Variants in MPDZ observed in about 807,000 individuals in gnomAD.
MPDZ encodes multiple PDZ domain crumbs cell polarity complex component.
MPDZ carries 234 observed loss-of-function variants against 239.1 expected under a neutral mutation model. That is an observed-to-expected ratio of 0.98 (90% CI 0.88 to 1.09). The LOEUF (loss-of-function observed/expected upper bound fraction) is 1.09, where lower values mean the gene tolerates loss of function less well. MPDZ is among the 50% of genes least tolerant of loss of function. The pLI is 0.00. For missense variants in MPDZ, 3,175 were observed against 2,510.0 expected (o/e 1.26, Z -5.66); for synonymous variants, 1,048 against 881.3 (o/e 1.19, Z -3.35).
chr9:13,218,802 C>G lies in MPDZ; in HGVS notation c.1086+757G>C, dbSNP rs1453693287. Among the ~76,000 whole-genome samples the G allele has an allele frequency of 5.3e-5, 8 of 151,992 alleles. No homozygotes were observed. The East Asian group carries it at 1.4e-3, about 26-fold the overall frequency. ...TAATTCTTAAATATTTAAGAGACTT[C>G]TGGATAAATTATTTTGTTGATATTT... On this transcript the variant is annotated intron_variant, in intron 8 of 46. Transcript: ENST00000319217.
At chr9:13,160,860 A>ATATATATATATG (rs1379321513) in intron 23 of MPDZ, among the ~76,000 whole-genome samples, 1 of 123,942 alleles carries the variant, frequency 8.1e-6, no homozygotes, top group African/African-American at 3.0e-5. Flanking sequence ...ATATATATAT[A>ATATATATATATG]TATATATATA....
At position 13,219,604 on chromosome 9, in the gene MPDZ, C is replaced by G. The variant is rs34911705; in HGVS notation, c.1041G>C (p.Leu347Phe). The change falls in exon 8 of 47, where the codon TTG becomes TTC. Residue 347 changes from leucine (L) to phenylalanine (F), a missense_variant. By Grantham distance (22) the Leu-to-Phe change is conservative (BLOSUM62 0). Transcript: ENST00000319217. Reference sequence around the variant, plus strand: ...TTGGGGATGAGGAGAGGGTGATGCCCAAAGCAGTGGGTGCTGTACGTTCTT... The same window carrying G: ...TTGGGGATGAGGAGAGGGTGATGCCGAAAGCAGTGGGTGCTGTACGTTCTT... ...AIEERTAPTA[L>F]GITLSSSPTS... is the part of the protein sequence containing the mutation. The G allele has an allele frequency of 4.1e-3, 6,542 of 1,612,262 alleles. 21 individuals are homozygous for G. Among genetic ancestry groups the G allele is most frequent in the Non-Finnish European group, 5.0e-3 (5,908 of 1,179,030 alleles).
intron 1 of MPDZ, among the ~76,000 whole-genome samples, chr9:13,274,090 G>T (rs1190812624): frequency 6.6e-6 from 1 of 152,058 alleles, no homozygotes; most frequent in Non-Finnish European, 1.5e-5. Flanking sequence ...TTTCTTGTGG[G>T]AGTGGTATCT....
chr9:13,196,085 A>G (rs1955610252), intron 13 of MPDZ, 36 bp downstream of exon 13: 1 of 1,392,218 alleles, frequency 7.2e-7, no homozygotes. Context: ...AAATACAGTT[A>G]CAAGTTAGAA....
At chr9:13,263,908 A>C (rs2138883599) in intron 1 of MPDZ, among the ~76,000 whole-genome samples, 1 of 152,356 alleles carries the variant, frequency 6.6e-6, no homozygotes, top group African/African-American at 2.4e-5. Flanking sequence ...CACAATATAT[A>C]TAAGCTAATA....
chr9:13,240,965 C>A (rs990880187), intron 3 of MPDZ, among the ~76,000 whole-genome samples: 1 of 152,158 alleles, frequency 6.6e-6, no homozygotes, highest in African/African-American at 2.4e-5. Flanking sequence ...TCACCATTTG[C>A]TGTTTTAGAC....
chr9:13,252,289 C>A (rs998958332), intron 1 of MPDZ, among the ~76,000 whole-genome samples: 12 of 152,050 alleles, frequency 7.9e-5, no homozygotes. Flanking sequence ...ATAAATAGGC[C>A]GGGCGCGGTG....
chr9:13,165,653 C>G (rs1352076768), intron 22 of MPDZ: 6 of 424,380 alleles, frequency 1.4e-5, no homozygotes, highest in Non-Finnish European at 2.1e-5. Flanking sequence ...GTCTTTTATT[C>G]CTTGATCAGG....
In MPDZ at chr9:13,148,471, A is replaced by C. The variant is rs186415513; in HGVS notation, c.3631-813T>G. On this transcript the variant is annotated intron_variant, in intron 25 of 46. Transcript: ENST00000319217. Reference sequence around the variant, plus strand: ...CCCAGAGTGGACACAACTCTAGAAAAGAACATTATTAGATCTTTGCATAGA... The same window carrying C: ...CCCAGAGTGGACACAACTCTAGAAACGAACATTATTAGATCTTTGCATAGA... Among the ~76,000 whole-genome samples the C allele has an allele frequency of 1.1e-3, 173 of 152,200 alleles. 1 individual carries two copies. Among genetic ancestry groups the C allele is most frequent in the Middle Eastern group, 3.4e-3 (1 of 294 alleles).
chr9:13,198,284 G>A (rs1219423383), intron 12 of MPDZ, among the ~76,000 whole-genome samples: 1 of 152,038 alleles, frequency 6.6e-6, no homozygotes, highest in African/African-American at 2.4e-5. Context: ...TTGGATAAAA[G>A]CCATTTTAAT....
intron 34 of MPDZ, among the ~76,000 whole-genome samples, chr9:13,126,272 T>C (rs1402010643): frequency 2.0e-5 from 3 of 152,172 alleles, no homozygotes; most frequent in African/African-American, 7.2e-5. Flanking sequence ...AAGGAAAAAA[T>C]GGAAATATTT....
intron 21 of MPDZ, among the ~76,000 whole-genome samples, chr9:13,170,004 C>T (rs909805841): frequency 6.6e-6 from 1 of 152,028 alleles, no homozygotes; most frequent in East Asian, 1.9e-4. Flanking sequence ...TCATTCTATT[C>T]GTTGAAAAAT....
chr9:13,229,606 C>CACA (rs1564084921), intron 3 of MPDZ, among the ~76,000 whole-genome samples: 49 of 146,238 alleles, frequency 3.4e-4, no homozygotes, highest in African/African-American at 1.3e-3. Context: ...ACACACACAC[C>CACA]CCCATCCACC....
intron 17 of MPDZ, among the ~76,000 whole-genome samples, chr9:13,188,387 G>A (rs565201178): frequency 3.0e-4 from 46 of 152,068 alleles, no homozygotes; most frequent in Non-Finnish European, 5.4e-4. Flanking sequence ...GCATGGTCGT[G>A]GCTGTAGTCC....
At chr9:13,267,864 G>A (rs1230110697) in intron 1 of MPDZ, among the ~76,000 whole-genome samples, 1 of 152,124 alleles carries the variant, frequency 6.6e-6, no homozygotes, top group Non-Finnish European at 1.5e-5. Flanking sequence ...GGTTACAGAC[G>A]CACAGGAAGA....
At chr9:13,132,134 A>G (rs1946088768) in intron 32 of MPDZ, among the ~76,000 whole-genome samples, 1 of 152,218 alleles carries the variant, frequency 6.6e-6, no homozygotes, top group African/African-American at 2.4e-5. Context: ...CCTCAATAGC[A>G]TCTAATTTAG....
At chr9:13,273,039 AG>A (rs1973370460) in intron 1 of MPDZ, among the ~76,000 whole-genome samples, 2 of 152,142 alleles carry the variant, frequency 1.3e-5, no homozygotes, top group African/African-American at 4.8e-5. Context: ...CTTATAAAAT[AG>A]GTACCAGAGA....
intron 13 of MPDZ, among the ~76,000 whole-genome samples, chr9:13,194,261 C>G (rs941135921): frequency 6.6e-6 from 1 of 152,030 alleles, no homozygotes; most frequent in Non-Finnish European, 1.5e-5. Flanking sequence ...CCGCACTTGA[C>G]AGATTACTAG....
chr9:13,145,111 G>C (rs1191997897), intron 26 of MPDZ, among the ~76,000 whole-genome samples: 1 of 152,030 alleles, frequency 6.6e-6, no homozygotes, highest in Non-Finnish European at 1.5e-5. Flanking sequence ...ATTTGGCCCT[G>C]ATAGCAAAGT....
Sources: gnomAD v4.1 joint callset for allele counts (sites outside exome capture counted in the v4.1 genomes callset) on GRCh38, gnomAD v4.1.1 for gene constraint, MANE v1.5 for transcripts, NCBI Gene and HGNC (gene_info 2026-07-23, HGNC 2026-07-21) for gene names.